Variants in MEMO1 observed in about 807,000 individuals in gnomAD.
MEMO1 encodes the protein mediator of cell motility 1.
Under a neutral mutation model 45.2 loss-of-function variants are expected in MEMO1, and 6 were observed. That is an observed-to-expected ratio of 0.13 (90% CI 0.07 to 0.26). The LOEUF (loss-of-function observed/expected upper bound fraction) is 0.26. MEMO1 is among the 10% of genes least tolerant of loss of function. MEMO1 has a pLI of 1.00. For missense variants in MEMO1, 184 were observed against 370.5 expected, an observed-to-expected ratio of 0.50 and a Z score of 4.13; for synonymous variants, 78 against 124.3, an observed-to-expected ratio of 0.63 and a Z score of 2.48.
chr2:31,996,232 G>A (rs1672597703), intron 2 of MEMO1, among the ~76,000 whole-genome samples: 2 of 151,074 alleles, frequency 1.3e-5, no homozygotes, highest in South Asian at 4.2e-4. Flanking sequence ...GAGAGAGAGA[G>A]AGAAAGAAAC....
At chr2:31,979,966 T>C (rs982199883) in intron 2 of MEMO1, among the ~76,000 whole-genome samples, 6 of 150,066 alleles carry the variant, frequency 4.0e-5, no homozygotes, top group African/African-American at 1.2e-4. Flanking sequence ...GGACAAACTA[T>C]AGATAGACTA....
chr2:31,935,578 T>G (rs1428732139), intron 3 of MEMO1, among the ~76,000 whole-genome samples: 1 of 151,942 alleles, frequency 6.6e-6, no homozygotes, highest in Non-Finnish European at 1.5e-5. Context: ...CAGTGCACTG[T>G]GCCTCTTTAC....
At chr2:31,894,416 T>C (rs1285245418) in intron 6 of MEMO1, among the ~76,000 whole-genome samples, 2 of 152,156 alleles carry the variant, frequency 1.3e-5, no homozygotes, top group Non-Finnish European at 2.9e-5. Flanking sequence ...GATTTCTTAG[T>C]CCGAGATTGC....
intron 6 of MEMO1, among the ~76,000 whole-genome samples, chr2:31,913,061 GA>G (rs1680840058): frequency 6.6e-6 from 1 of 151,938 alleles, no homozygotes; most frequent in African/African-American, 2.4e-5. Flanking sequence ...GGCGGATCAC[GA>G]GGTCAAGAGA....
At chr2:31,972,755 C>A (rs1669560938) in intron 2 of MEMO1, among the ~76,000 whole-genome samples, 1 of 152,064 alleles carries the variant, frequency 6.6e-6, no homozygotes, top group Non-Finnish European at 1.5e-5. Flanking sequence ...GAAATACTTG[C>A]AAATCACATA....
chr2:31,943,448 C>T (rs1665848630), intron 2 of MEMO1, 65 bp from the exon 3 acceptor site: 1 of 1,166,828 alleles, frequency 8.6e-7, no homozygotes, highest in Non-Finnish European at 1.3e-6. Context: ...ACATATGTGG[C>T]ATAAAGCCCT....
intron 8 of MEMO1, among the ~76,000 whole-genome samples, chr2:31,871,589 C>A (rs1219212265): frequency 1.3e-5 from 2 of 151,960 alleles, no homozygotes. Context: ...ATCAATTAGC[C>A]ACTCTCAGAT....
intron 2 of MEMO1, among the ~76,000 whole-genome samples, chr2:31,943,922 A>G (rs373675480): frequency 4.6e-5 from 7 of 152,260 alleles, no homozygotes; most frequent in African/African-American, 1.7e-4. Context: ...TCTTTACTCA[A>G]TATACTAATT....
Position 31,939,533 on chromosome 2 carries a change from T to C in MEMO1, c.143+3769A>G, listed in dbSNP as rs1298901683. Among the ~76,000 whole-genome samples, 16 of 152,212 alleles carry C rather than the reference T, an allele frequency of 1.1e-4. No individual in the cohort carries two copies. In the East Asian group the frequency reaches 1.7e-3, roughly 16 times the overall value. On this transcript the variant is annotated intron_variant, in intron 3 of 9. Transcript: ENST00000404530. ...ATACTAAACTCAACTTAATTATATG[T>C]TGATTCAACTCAGCTCCCAAATTTA...
chr2:31,959,621 G>T (rs376430594), intron 2 of MEMO1, among the ~76,000 whole-genome samples: 16 of 151,788 alleles, frequency 1.1e-4, no homozygotes, highest in African/African-American at 3.6e-4. Context: ...GACAAGATGA[G>T]GTACAAGAAA....
At chr2:31,981,670 T>A (rs1200462387) in intron 2 of MEMO1, among the ~76,000 whole-genome samples, 1 of 152,150 alleles carries the variant, frequency 6.6e-6, no homozygotes, top group Non-Finnish European at 1.5e-5. Context: ...CCCAAGAAAG[T>A]TCCCAAAAAT....
intron 2 of MEMO1, among the ~76,000 whole-genome samples, chr2:31,998,781 C>A (rs1384499071): frequency 6.8e-6 from 1 of 147,362 alleles, no homozygotes; most frequent in Non-Finnish European, 1.5e-5. Context: ...GCCCAGGAGA[C>A]AATGTGAGAC....
chr2:31,959,302 A>G (rs1176531651), intron 2 of MEMO1, among the ~76,000 whole-genome samples: 1 of 152,202 alleles, frequency 6.6e-6, no homozygotes, highest in Non-Finnish European at 1.5e-5. Context: ...GATGATGACA[A>G]TAGAAATGTT....
At chr2:31,989,462 G>C (rs1430428178) in intron 2 of MEMO1, among the ~76,000 whole-genome samples, 1 of 152,152 alleles carries the variant, frequency 6.6e-6, no homozygotes, top group African/African-American at 2.4e-5. Flanking sequence ...ACATTTAGAA[G>C]ATCTGCGTAA....
chr2:31,995,660 T>C (rs187550438), intron 2 of MEMO1, among the ~76,000 whole-genome samples: 3 of 151,574 alleles, frequency 2.0e-5, no homozygotes, highest in Admixed American at 6.6e-5. Context: ...TATTAAGCTA[T>C]GCAAGATATA....
intron 6 of MEMO1, among the ~76,000 whole-genome samples, chr2:31,913,527 T>A (rs939325373): frequency 8.6e-5 from 13 of 151,826 alleles, no homozygotes; most frequent in South Asian, 8.3e-4. Context: ...GTTTTTTTTT[T>A]TTTTTATTTT....
intron 2 of MEMO1, among the ~76,000 whole-genome samples, chr2:31,985,980 T>C (rs1414527959): frequency 6.6e-6 from 1 of 152,102 alleles, no homozygotes; most frequent in Admixed American, 6.6e-5. Context: ...TATATAAATA[T>C]ATATACTTAT....
At chr2:31,988,693 T>C (rs1001760544) in intron 2 of MEMO1, among the ~76,000 whole-genome samples, 7 of 152,236 alleles carry the variant, frequency 4.6e-5, no homozygotes, top group Non-Finnish European at 1.0e-4. Context: ...CTTAAGAATG[T>C]CCTTGATATA....
At chr2:31,937,725 C>A (rs977627292) in intron 3 of MEMO1, among the ~76,000 whole-genome samples, 2 of 152,132 alleles carry the variant, frequency 1.3e-5, no homozygotes, top group Non-Finnish European at 2.9e-5. Context: ...AGTCAAAGTC[C>A]TACTAGGTTA....
Sources: gnomAD v4.1 joint callset for allele counts (sites outside exome capture counted in the v4.1 genomes callset) on GRCh38, gnomAD v4.1.1 for gene constraint, MANE v1.5 for transcripts, NCBI Gene and HGNC (gene_info 2026-07-23, HGNC 2026-07-21) for gene names.